The following ADAMTS12 variants were observed in gnomAD, a reference collection of about 807,000 sequenced individuals.
ADAMTS12 encodes A disintegrin and metalloproteinase with thrombospondin motifs 12.
Under a neutral mutation model 167.8 loss-of-function variants are expected in ADAMTS12, and 118 were observed. The ratio of observed to expected loss-of-function variants is 0.70; its 90% CI spans 0.61 to 0.82. The LOEUF (loss-of-function observed/expected upper bound fraction) is 0.82. Ranked by LOEUF, ADAMTS12 falls within the 40% of genes least tolerant of loss-of-function variation. The pLI, the probability that ADAMTS12 is intolerant of heterozygous loss-of-function variation, is 0.00. For synonymous variants in ADAMTS12, 704 were observed against 716.9 expected, an observed-to-expected ratio of 0.98 and a Z score of 0.29; for missense variants, 1,916 against 1,998.8, an observed-to-expected ratio of 0.96 and a Z score of 0.79.
intron 2 of ADAMTS12, chr5:33,840,289 T>C (rs1279296661): frequency 6.6e-6 from 1 of 152,242 alleles, no homozygotes; most frequent in Non-Finnish European, 1.5e-5. Flanking sequence ...AGCTCTAGGG[T>C]CTCACTGTAT....
intron 3 of ADAMTS12, among the ~76,000 whole-genome samples, chr5:33,728,401 C>T (rs1328569517): frequency 6.6e-6 from 1 of 152,176 alleles, no homozygotes; most frequent in Non-Finnish European, 1.5e-5. Context: ...TGGGATGAGA[C>T]CTTGGTGGCA....
At chr5:33,839,049 C>T (rs1489749216) in intron 2 of ADAMTS12, among the ~76,000 whole-genome samples, 1 of 152,256 alleles carries the variant, frequency 6.6e-6, no homozygotes, top group African/African-American at 2.4e-5. Flanking sequence ...TCCTCTAAAA[C>T]GTGAAGATCC....
At chr5:33,585,512 C>T (rs1340064916) in intron 18 of ADAMTS12, among the ~76,000 whole-genome samples, 1 of 152,178 alleles carries the variant, frequency 6.6e-6, no homozygotes, top group Non-Finnish European at 1.5e-5. Flanking sequence ...GCCACACATA[C>T]ACATTTGAAC....
intron 2 of ADAMTS12, among the ~76,000 whole-genome samples, chr5:33,777,260 G>A (rs769418713): frequency 3.3e-5 from 5 of 150,332 alleles, no homozygotes; most frequent in Admixed American, 6.6e-5. Flanking sequence ...GATGAACCAA[G>A]ATGCAAAAAA....
chr5:33,670,668 G>C (rs1248707862), intron 5 of ADAMTS12, among the ~76,000 whole-genome samples: 1 of 152,154 alleles, frequency 6.6e-6, no homozygotes, highest in African/African-American at 2.4e-5. Flanking sequence ...CTTGAATCCG[G>C]GAGTCAGAGG....
intron 2 of ADAMTS12, among the ~76,000 whole-genome samples, chr5:33,771,342 T>C (rs1190802419): frequency 6.6e-6 from 1 of 152,152 alleles, no homozygotes; most frequent in Non-Finnish European, 1.5e-5. Context: ...AGTAAAGTTT[T>C]TAGCCTGTAT....
rs551568203 is a variant in ADAMTS12 at position 33,796,313 on chromosome 5, A to G, written c.490-44765T>C. 3.9e-5 allele frequency among the ~76,000 whole-genome samples: 6 copies of G among 152,330 alleles called. No individual in the cohort carries two copies. In the South Asian group the frequency reaches 1.2e-3, roughly 32 times the overall value. On this transcript the variant is annotated intron_variant, in intron 2 of 23. Transcript: ENST00000504830. ...ACTGTGCAAACTTTAGAACAAATGCAACTTACATACTGACATGGAAGGATG... is the reference window on the plus strand; with the variant it reads ...ACTGTGCAAACTTTAGAACAAATGCGACTTACATACTGACATGGAAGGATG...
At chr5:33,863,532 G>A (rs909294094) in intron 2 of ADAMTS12, among the ~76,000 whole-genome samples, 2 of 151,978 alleles carry the variant, frequency 1.3e-5, no homozygotes, top group African/African-American at 4.8e-5. Flanking sequence ...CACTGCTTAA[G>A]GAAATAATGA....
chr5:33,749,565 C>T (rs945673182), intron 3 of ADAMTS12, among the ~76,000 whole-genome samples: 1 of 152,018 alleles, frequency 6.6e-6, no homozygotes, highest in African/African-American at 2.4e-5. Flanking sequence ...TGCTTAGTAC[C>T]TCAAGGTACA....
chr5:33,707,024 G>C (rs904228755), intron 3 of ADAMTS12, among the ~76,000 whole-genome samples: 1 of 152,136 alleles, frequency 6.6e-6, no homozygotes, highest in African/African-American at 2.4e-5. Flanking sequence ...GTCTCTGTTT[G>C]TGGATGACAT....
intron 19 of ADAMTS12, among the ~76,000 whole-genome samples, chr5:33,569,143 T>C (rs1020904884): frequency 5.3e-5 from 8 of 152,252 alleles, no homozygotes; most frequent in African/African-American, 1.9e-4. Context: ...TGCCTGCCTC[T>C]GTAGGCTCCA....
At position 33,751,440 on chromosome 5, in the gene ADAMTS12, C is replaced by T. The variant is rs565681643; in HGVS notation, c.598G>A (p.Val200Ile). The change falls in exon 3 of 24, where the codon GTT becomes ATT. Residue 200 changes from valine to isoleucine, a missense_variant. Coordinates refer to ENST00000504830, the MANE Select transcript of ADAMTS12 (RefSeq NM_030955.4). Reference protein sequence around the residue: ...HPHIVYRRQKVPETKEPTCGL... With the variant: ...HPHIVYRRQKIPETKEPTCGL... The stretch of plus-strand genomic sequence containing the variant: ...CAGGTTGGCTCCTTGGTTTCTGGAA[C>T]TTTCTGCCTCCTGTAAACGATGTGC... 3 of 1,614,158 alleles carry T rather than the reference C, an allele frequency of 1.9e-6. No homozygotes were observed. The highest frequency in any genetic ancestry group is 1.7e-5 in the Admixed American group (1 of 60,032).
chr5:33,765,518 G>A (rs2112416529), intron 2 of ADAMTS12, among the ~76,000 whole-genome samples: 1 of 152,226 alleles, frequency 6.6e-6, no homozygotes, highest in East Asian at 1.9e-4. Context: ...ACATTAAAAA[G>A]CAGAATATTT....
chr5:33,729,157 A>G (rs542779009), intron 3 of ADAMTS12, among the ~76,000 whole-genome samples: 5 of 152,218 alleles, frequency 3.3e-5, no homozygotes, highest in Admixed American at 2.6e-4. Context: ...CAAACTATTA[A>G]AAAGGTAAAC....
chr5:33,620,171 C>T (rs1739242610), intron 14 of ADAMTS12, among the ~76,000 whole-genome samples: 1 of 152,222 alleles, frequency 6.6e-6, no homozygotes, highest in Admixed American at 6.5e-5. Flanking sequence ...CTTTTCTACA[C>T]TAGATTCATT....
intron 17 of ADAMTS12, 148 bp from the exon 18 acceptor site, chr5:33,588,957 C>CA: frequency 1.1e-6 from 1 of 941,832 alleles, no homozygotes. Context: ...GTGCTGCAGA[C>CA]AGGGCCACCG....
At chr5:33,537,367 G>T (rs1035679072) in intron 22 of ADAMTS12, among the ~76,000 whole-genome samples, 7 of 152,206 alleles carry the variant, frequency 4.6e-5, no homozygotes, top group African/African-American at 1.7e-4. Context: ...TGACTGTCTT[G>T]TTCACTAGGA....
intron 19 of ADAMTS12, among the ~76,000 whole-genome samples, chr5:33,568,188 A>C (rs1454956524): frequency 1.3e-5 from 2 of 152,234 alleles, no homozygotes; most frequent in Non-Finnish European, 2.9e-5. Flanking sequence ...TTCCTTCAAC[A>C]AATTGGCTTA....
chr5:33,721,386 C>T (rs1454130286), intron 3 of ADAMTS12, among the ~76,000 whole-genome samples: 1 of 152,004 alleles, frequency 6.6e-6, no homozygotes, highest in African/African-American at 2.4e-5. Flanking sequence ...ATGAGAAAAC[C>T]CCCTCCGAAT....
Sources: allele counts gnomAD v4.1 joint callset (sites outside exome capture counted in the v4.1 genomes callset), GRCh38; gene constraint gnomAD v4.1.1; transcripts MANE v1.5; gene names NCBI Gene and HGNC (gene_info 2026-07-23, HGNC 2026-07-21).